Variants in ASCC3 observed in about 807,000 individuals in gnomAD.
ASCC3 encodes the protein activating signal cointegrator 1 complex subunit 3, also known as ASC-1 complex subunit P200.
Under a neutral mutation model 256.3 loss-of-function variants are expected in ASCC3, and 158 were observed. That is an observed-to-expected ratio of 0.62 (90% CI 0.54 to 0.70). The LOEUF (loss-of-function observed/expected upper bound fraction) is 0.70. Among genes scored for constraint, ASCC3 ranks in the 30% least tolerant of loss-of-function variants. ASCC3 has a pLI of 0.00. For missense variants in ASCC3, 2,259 were observed against 2,626.0 expected (o/e 0.86, Z 3.05); for synonymous variants, 948 against 883.4 (o/e 1.07, Z -1.30).
At chr6:100,534,293 T>A (rs240787) in intron 37 of ASCC3, among the ~76,000 whole-genome samples, 6 of 152,000 alleles carry the variant, frequency 3.9e-5, no homozygotes, top group Admixed American at 2.0e-4. Context: ...AAACAAAAAA[T>A]ACACAAAAAA....
intron 13 of ASCC3, among the ~76,000 whole-genome samples, chr6:100,711,603 GC>G (rs1430120328): frequency 6.6e-6 from 1 of 152,198 alleles, no homozygotes; most frequent in East Asian, 1.9e-4. Flanking sequence ...GGTGGTACAT[GC>G]CTGTAATCCC....
At chr6:100,687,028 T>TCACACACACACA (rs1201705191) in intron 13 of ASCC3, among the ~76,000 whole-genome samples, 2,713 of 88,740 alleles carry the variant, frequency 0.031, 33 homozygotes, top group Non-Finnish European at 0.047. Context: ...TCTCTCTCTC[T>TCACACACACACA]CTCTCTCACA....
intron 10 of ASCC3, among the ~76,000 whole-genome samples, chr6:100,753,196 A>C (rs1331775094): frequency 6.6e-6 from 1 of 152,094 alleles, no homozygotes; most frequent in Non-Finnish European, 1.5e-5. Context: ...AATGATGTTT[A>C]TATTTCATGT....
intron 14 of ASCC3, 98 bp from the exon 15 acceptor site, chr6:100,662,634 AT>A: frequency 8.8e-7 from 1 of 1,139,046 alleles, no homozygotes; most frequent in Non-Finnish European, 1.3e-6. Flanking sequence ...TCAGAAAATT[AT>A]TTTTAAGCAT....
intron 39 of ASCC3, 56 bp from the exon 40 acceptor site, chr6:100,512,974 T>C: frequency 1.3e-6 from 2 of 1,482,726 alleles, no homozygotes; most frequent in Non-Finnish European, 1.9e-6. Flanking sequence ...AATGCAATGA[T>C]CAATTAAGAA....
intron 4 of ASCC3, among the ~76,000 whole-genome samples, chr6:100,822,698 A>C (rs910106363): frequency 1.3e-5 from 2 of 151,732 alleles, no homozygotes; most frequent in African/African-American, 4.9e-5. Context: ...ATACCTACAT[A>C]GTTACTTTCT....
intron 10 of ASCC3, among the ~76,000 whole-genome samples, chr6:100,764,840 G>C (rs951615365): frequency 6.6e-6 from 1 of 152,062 alleles, no homozygotes; most frequent in Admixed American, 6.6e-5. Context: ...GGGGGTCGGG[G>C]AGATGATATG....
intron 4 of ASCC3, among the ~76,000 whole-genome samples, chr6:100,815,569 T>C (rs780433489): frequency 6.6e-6 from 1 of 151,972 alleles, no homozygotes; most frequent in Non-Finnish European, 1.5e-5. Context: ...AAAACTGATA[T>C]ATAGACAAAT....
intron 36 of ASCC3, among the ~76,000 whole-genome samples, chr6:100,586,909 T>C (rs970750147): frequency 1.3e-5 from 2 of 152,166 alleles, no homozygotes; most frequent in African/African-American, 4.8e-5. Context: ...CTCAAAAGAA[T>C]AGAAGTTTTT....
intron 10 of ASCC3, among the ~76,000 whole-genome samples, chr6:100,740,091 A>G (rs2201495): frequency 0.049 from 7,412 of 152,258 alleles, 209 homozygotes; most frequent in African/African-American, 0.062. Context: ...TTCCCTCTTA[A>G]TACTGCTTTC....
intron 16 of ASCC3, among the ~76,000 whole-genome samples, chr6:100,658,473 G>C (rs1455368518): frequency 6.6e-6 from 1 of 151,326 alleles, no homozygotes; most frequent in African/African-American, 2.4e-5. Flanking sequence ...ATATAAGCTA[G>C]TAAATATATA....
chr6:100,582,146 G>T (rs1306769270), intron 36 of ASCC3, among the ~76,000 whole-genome samples: 2 of 151,770 alleles, frequency 1.3e-5, no homozygotes, highest in Non-Finnish European at 2.9e-5. Flanking sequence ...GCTTGATGGG[G>T]ATGGCATTGA....
intron 36 of ASCC3, 23 bp from the exon 37 acceptor site, chr6:100,540,410 C>T: frequency 6.7e-7 from 1 of 1,498,140 alleles, no homozygotes; most frequent in Non-Finnish European, 9.3e-7. Flanking sequence ...AAAAGCCCCA[C>T]ATTGTTGGAT....
chr6:100,741,280 G>C (rs1457834577), intron 10 of ASCC3, among the ~76,000 whole-genome samples: 3 of 152,120 alleles, frequency 2.0e-5, no homozygotes, highest in Admixed American at 2.0e-4. Flanking sequence ...CCCTTTGTAG[G>C]TGACTGGGCC....
chr6:100,644,552 T>C (rs984087111), intron 22 of ASCC3, among the ~76,000 whole-genome samples: 9 of 152,188 alleles, frequency 5.9e-5, no homozygotes, highest in African/African-American at 1.4e-4. Flanking sequence ...TCCCATTGGA[T>C]AGATATACTG....
At chr6:100,605,818 T>C in intron 32 of ASCC3, 118 bp from the exon 33 acceptor site, 1 of 1,210,844 alleles carries the variant, frequency 8.3e-7, no homozygotes, top group Non-Finnish European at 1.2e-6. Context: ...AATATTGTGA[T>C]AATATGTTTG....
intron 3 of ASCC3, chr6:100,859,303 G>A (rs1326073930): frequency 1.3e-6 from 1 of 769,062 alleles, no homozygotes; most frequent in Non-Finnish European, 2.4e-6. Context: ...TAACTTCTCT[G>A]ATATAGTCAA....
At chr6:100,568,232 G>C (rs1467219079) in intron 36 of ASCC3, among the ~76,000 whole-genome samples, 1 of 151,970 alleles carries the variant, frequency 6.6e-6, no homozygotes, top group African/African-American at 2.4e-5. Flanking sequence ...GCCAGGCATG[G>C]TGGTGGGCGC....
intron 10 of ASCC3, among the ~76,000 whole-genome samples, chr6:100,729,658 C>T (rs1167300506): frequency 6.6e-6 from 1 of 152,056 alleles, no homozygotes; most frequent in Admixed American, 6.6e-5. Context: ...ATATTGATAT[C>T]ATATTGAATT....
Sources: allele counts gnomAD v4.1 joint callset (sites outside exome capture counted in the v4.1 genomes callset), GRCh38; gene constraint gnomAD v4.1.1; transcripts MANE v1.5; gene names NCBI Gene and HGNC (gene_info 2026-07-23, HGNC 2026-07-21).